The following ABI3BP variants were observed in gnomAD, a reference collection of about 807,000 sequenced individuals.
ABI3BP encodes the protein target of Nesh-SH3.
A neutral mutation model predicts 268.6 loss-of-function variants in ABI3BP; 216 were observed. The ratio of observed to expected loss-of-function variants is 0.80; its 90% CI spans 0.72 to 0.90. The LOEUF is 0.90. Ranked by LOEUF, ABI3BP falls within the 40% of genes least tolerant of loss-of-function variation. The probability of loss-of-function intolerance (pLI) is 0.00; values close to 1 mark genes in which losing one functional copy is unlikely to be tolerated. For missense variants in ABI3BP, 2,090 were observed against 2,182.4 expected (o/e 0.96, Z 0.84); for synonymous variants, 730 against 730.0 (o/e 1.00, Z 0.00).
intron 4 of ABI3BP, among the ~76,000 whole-genome samples, chr3:100,888,114 T>G (rs138704537): frequency 7.6e-4 from 116 of 152,218 alleles, no homozygotes; most frequent in African/African-American, 2.7e-3. Context: ...AGGCTTGCCA[T>G]CATTGATTAG....
intron 43 of ABI3BP, chr3:100,816,406 C>A: frequency 1.8e-6 from 1 of 542,262 alleles, no homozygotes; most frequent in Non-Finnish European, 3.3e-6. Flanking sequence ...CAATAAATAC[C>A]CATGAGTATG....
intron 8 of ABI3BP, among the ~76,000 whole-genome samples, 176 bp from the exon 9 acceptor site, chr3:100,875,109 A>G (rs980351559): frequency 6.6e-6 from 1 of 152,210 alleles, no homozygotes; most frequent in African/African-American, 2.4e-5. Flanking sequence ...TAAATAGAAT[A>G]TTTTTCATAT....
chr3:100,940,808 A>ATG (rs1477278647), intron 1 of ABI3BP, among the ~76,000 whole-genome samples: 1 of 64,918 alleles, frequency 1.5e-5, no homozygotes. Flanking sequence ...ATATATATAT[A>ATG]TATATATATA....
chr3:100,881,334 TA>T (rs2039144256), intron 6 of ABI3BP, among the ~76,000 whole-genome samples: 2 of 152,210 alleles, frequency 1.3e-5, no homozygotes, highest in Admixed American at 1.3e-4. Context: ...TAACAAGTGG[TA>T]CCACTTCTCT....
At chr3:100,880,964 T>C (rs1179767443) in intron 6 of ABI3BP, among the ~76,000 whole-genome samples, 3 of 152,024 alleles carry the variant, frequency 2.0e-5, no homozygotes, top group Non-Finnish European at 4.4e-5. Flanking sequence ...TGGCTCAAAG[T>C]CAAATTTCAA....
chr3:100,914,457 A>G (rs553481066), intron 2 of ABI3BP: 1 of 455,718 alleles, frequency 2.2e-6, no homozygotes, highest in South Asian at 1.6e-5. Context: ...CCACAGAACA[A>G]CAATGCAAAA....
intron 16 of ABI3BP, 35 bp downstream of exon 16, chr3:100,850,625 A>T (rs781113638): frequency 1.3e-6 from 2 of 1,523,002 alleles, no homozygotes; most frequent in Admixed American, 1.8e-5. Flanking sequence ...TTTTTGATGG[A>T]AAATAAAGTA....
chr3:100,961,232 A>G (rs1447054512), intron 1 of ABI3BP, among the ~76,000 whole-genome samples: 2 of 152,224 alleles, frequency 1.3e-5, no homozygotes, highest in Admixed American at 1.3e-4. Context: ...GCTGCTCACT[A>G]TCACGCTTGA....
Position 100,869,330 on chromosome 3 carries a change from G to GTTTTTTTTTTTTTTTTTTTTTT in ABI3BP, c.911-2396_911-2375dup, listed in dbSNP as rs144604645. On this transcript the variant is annotated intron_variant, in intron 9 of 67. Coordinates refer to ENST00000471714, the MANE Select transcript of ABI3BP (RefSeq NM_001375547.2). ...ATATTGTTTTTTCTTCTTCTTTTTG[G>GTTTTTTTTTTTTTTTTTTTTTT]TTTTTTTTTTTTTTTTTTTTTTTTT... Among the ~76,000 whole-genome samples, 242 of 49,762 alleles carry GTTTTTTTTTTTTTTTTTTTTTT rather than the reference G, an allele frequency of 4.9e-3. 43 individuals carry two copies. Among genetic ancestry groups the GTTTTTTTTTTTTTTTTTTTTTT allele is most frequent in the Non-Finnish European group, 5.5e-3 (159 of 29,052 alleles). The allele number at this position is 49,762 out of a possible 152,430, so 32.6% of individuals were successfully genotyped here.
chr3:100,803,752 T>C (rs1372066749), intron 51 of ABI3BP, among the ~76,000 whole-genome samples: 1 of 152,214 alleles, frequency 6.6e-6, no homozygotes, highest in Non-Finnish European at 1.5e-5. Flanking sequence ...GGTTTTTTTC[T>C]TACTTCCTGT....
Position 100,770,824 on chromosome 3 carries a change from T to TGGTG in ABI3BP, c.4656_4659dup (p.Asn1554HisfsTer25). 1 of 1,598,592 alleles carries TGGTG rather than the reference T, an allele frequency of 6.3e-7. No individual in the cohort carries two copies. Among genetic ancestry groups the TGGTG allele is most frequent in the Non-Finnish European group, 8.5e-7 (1 of 1,172,788 alleles). On this transcript the variant is annotated frameshift_variant, in exon 62 of 68. Transcript: ENST00000471714. LOFTEE classifies it high-confidence loss of function. The stretch of plus-strand genomic sequence containing the variant: ...CCTTCCACGGTGACCACAGTGAGGT[T>TGGTG]GGTGGGTGGGTTCTGTGGTGGGCTG...
intron 9 of ABI3BP, among the ~76,000 whole-genome samples, chr3:100,870,638 G>A (rs1116932): frequency 6.6e-6 from 1 of 151,980 alleles, no homozygotes; most frequent in African/African-American, 2.4e-5. Flanking sequence ...ATGGTATGGA[G>A]TTTCCTCAAA....
intron 1 of ABI3BP, among the ~76,000 whole-genome samples, chr3:100,934,952 C>G (rs1412972104): frequency 1.3e-5 from 2 of 152,178 alleles, no homozygotes; most frequent in Non-Finnish European, 2.9e-5. Flanking sequence ...ATGATAGTTT[C>G]TTTTGCTGTG....
intron 1 of ABI3BP, among the ~76,000 whole-genome samples, chr3:100,955,747 A>T (rs535150903): frequency 6.6e-6 from 1 of 152,338 alleles, no homozygotes; most frequent in African/African-American, 2.4e-5. Context: ...TTATTTAACA[A>T]ATATTTATTG....
intron 57 of ABI3BP, among the ~76,000 whole-genome samples, chr3:100,780,522 TA>T (rs1421752926): frequency 2.0e-5 from 3 of 152,148 alleles, no homozygotes; most frequent in Non-Finnish European, 4.4e-5. Context: ...TCATTTATGG[TA>T]ACTGGCCACC....
chr3:100,792,555 T>C, intron 55 of ABI3BP, 136 bp downstream of exon 55: 1 of 837,944 alleles, frequency 1.2e-6, no homozygotes, highest in Non-Finnish European at 1.9e-6. Flanking sequence ...ATTTGGCTGA[T>C]TTCTTTCACC....
intron 1 of ABI3BP, among the ~76,000 whole-genome samples, chr3:100,944,330 C>A (rs892170914): frequency 6.6e-6 from 1 of 152,064 alleles, no homozygotes; most frequent in Non-Finnish European, 1.5e-5. Flanking sequence ...CAAAAGGACT[C>A]ATACTTCTTT....
chr3:100,837,045 A>C, intron 27 of ABI3BP, 79 bp downstream of exon 27: 1 of 1,303,976 alleles, frequency 7.7e-7, no homozygotes. Context: ...ACAATTGTGC[A>C]TATTATAGCT....
intron 1 of ABI3BP, among the ~76,000 whole-genome samples, chr3:100,979,568 C>T (rs1373177939): frequency 1.3e-5 from 2 of 152,024 alleles, no homozygotes; most frequent in Non-Finnish European, 2.9e-5. Context: ...CATCTGTGGT[C>T]CCTTTGTGGC....
Sources: gnomAD v4.1 joint callset for allele counts (sites outside exome capture counted in the v4.1 genomes callset) on GRCh38, gnomAD v4.1.1 for gene constraint, MANE v1.5 for transcripts, NCBI Gene and HGNC (gene_info 2026-07-23, HGNC 2026-07-21) for gene names.